The following CDH23 variants were observed in gnomAD, a reference collection of about 807,000 sequenced individuals.
The protein encoded by CDH23 is cadherin-23.
Under a neutral mutation model 317.1 loss-of-function variants are expected in CDH23, and 189 were observed. That is an observed-to-expected ratio of 0.60 (90% CI 0.53 to 0.67). The LOEUF (loss-of-function observed/expected upper bound fraction) is 0.67, where lower values mean the gene tolerates loss of function less well. Ranked by LOEUF, CDH23 falls within the 30% of genes least tolerant of loss-of-function variation. The probability of loss-of-function intolerance (pLI) is 0.00; values close to 1 mark genes in which losing one functional copy is unlikely to be tolerated. For missense variants in CDH23, 4,401 were observed against 4,592.4 expected (o/e 0.96, Z 1.20); for synonymous variants, 1,839 against 1,876.8 (o/e 0.98, Z 0.52).
chr10:71,696,530 T>C (rs1865398284), intron 22 of CDH23, among the ~76,000 whole-genome samples: 1 of 152,348 alleles, frequency 6.6e-6, no homozygotes, highest in South Asian at 2.1e-4. Flanking sequence ...TCTGTCTGAC[T>C]TGGAGACAAG....
chr10:71,798,206 C>A lies in CDH23; in HGVS notation c.6830-148C>A, dbSNP rs114863613. 1,252 of 644,580 alleles carry A rather than the reference C, an allele frequency of 1.9e-3. 6 individuals carry two copies. Among genetic ancestry groups the A allele is most frequent in the African/African-American group, 0.019 (1,081 of 55,740 alleles). 39.9% of individuals were successfully genotyped at this position (644,580 alleles called of 1,614,324 possible). On this transcript the variant is annotated intron_variant, in intron 49 of 69. Transcript: ENST00000224721. The stretch of plus-strand genomic sequence containing the variant: ...CACCACTGGAAAGCCTCCTGTGCTG[C>A]AGCCTGAGGGTCAGGTCAATCCTCA...
chr10:71,477,557 C>T (rs1397306423), intron 3 of CDH23, among the ~76,000 whole-genome samples: 1 of 152,168 alleles, frequency 6.6e-6, no homozygotes, highest in South Asian at 2.1e-4. Context: ...CCTCACCACT[C>T]TCATGGCTTC....
At chr10:71,664,382 G>A (rs149482452) in intron 14 of CDH23, among the ~76,000 whole-genome samples, 139 of 152,358 alleles carry the variant, frequency 9.1e-4, no homozygotes, top group African/African-American at 3.3e-3. Context: ...TAACAAACAA[G>A]CCGAGGGCCT....
chr10:71,784,564 A>C lies in CDH23; in HGVS notation c.5502+144A>C, dbSNP rs995984757. On this transcript the variant is annotated intron_variant, in intron 42 of 69. Coordinates refer to ENST00000224721, the MANE Select transcript of CDH23 (RefSeq NM_022124.6). ...GCCAGGCCTGCCCCTGGGGCCCTTA[A>C]TAGACCTCTCGCCACATCCAGCAAC... is the stretch of plus-strand genomic sequence containing the variant. The C allele has an allele frequency of 1.3e-5, 15 of 1,122,482 alleles. No homozygotes were observed. In the African/African-American group the frequency reaches 2.4e-4, roughly 18 times the overall value. The allele number at this position is 1,122,482 out of a possible 1,614,324, so 69.5% of individuals were successfully genotyped here. A position where few individuals can be genotyped will look rare whatever the true frequency, so the allele number is the denominator to read the frequency against.
intron 9 of CDH23, among the ~76,000 whole-genome samples, chr10:71,588,695 A>G (rs1395377673): frequency 1.3e-5 from 2 of 152,134 alleles, no homozygotes; most frequent in Non-Finnish European, 2.9e-5. Context: ...AAATCCCCAC[A>G]AAATATTGCA....
chr10:71,636,386 TG>T (rs1428003241), intron 11 of CDH23, among the ~76,000 whole-genome samples: 7 of 152,100 alleles, frequency 4.6e-5, no homozygotes, highest in African/African-American at 1.7e-4. Context: ...CTGGGCATAG[TG>T]GTGCACACAT....
At chr10:71,761,853 G>A (rs772275519) in intron 38 of CDH23, 11 of 1,614,108 alleles carry the variant, frequency 6.8e-6, no homozygotes, top group East Asian at 2.2e-5. Flanking sequence ...ATGGGCCGGC[G>A]CTCTGAGCAG....
At chr10:71,519,527 G>T (rs575834223) in intron 6 of CDH23, among the ~76,000 whole-genome samples, 1 of 152,172 alleles carries the variant, frequency 6.6e-6, no homozygotes, top group African/African-American at 2.4e-5. Flanking sequence ...GCTTTGTATC[G>T]TGAGAACCTG....
Position 71,687,691 on chromosome 10 carries a change from C to T in CDH23, c.2031C>T (p.Phe677=), listed in dbSNP as rs759239589. Residue 677 remains phenylalanine (F), a synonymous_variant, in exon 19 of 70, where the codon TTC becomes TTT. Coordinates refer to ENST00000224721, the MANE Select transcript of CDH23 (RefSeq NM_022124.6). ...CCACCTTCAGCAAGCCCGCCTACTTCGTCTCCGTGGTGGAGAACATCATGG... is the reference window on the plus strand; with the variant it reads ...CCACCTTCAGCAAGCCCGCCTACTTTGTCTCCGTGGTGGAGAACATCATGG... ...NPPTFSKPAY[F]VSVVENIMAG... 51 of 1,613,758 alleles carry T rather than the reference C, an allele frequency of 3.2e-5. No individual in the cohort carries two copies. Among genetic ancestry groups the T allele is most frequent in the Admixed American group, 1.2e-4 (7 of 59,992 alleles).
chr10:71,716,339 G>T (rs781471210), intron 28 of CDH23: 8 of 1,469,012 alleles, frequency 5.4e-6, no homozygotes, highest in Non-Finnish European at 7.2e-6. Context: ...TGTGCTCATG[G>T]CTCCTGCAAC....
intron 2 of CDH23, among the ~76,000 whole-genome samples, chr10:71,444,426 T>C (rs1231443987): frequency 6.6e-6 from 1 of 152,222 alleles, no homozygotes; most frequent in Non-Finnish European, 1.5e-5. Flanking sequence ...GTTGTGCTCC[T>C]GACAGGAGAC....
intron 53 of CDH23, among the ~76,000 whole-genome samples, chr10:71,801,373 C>T (rs1042902400): frequency 6.6e-6 from 1 of 151,942 alleles, no homozygotes; most frequent in African/African-American, 2.4e-5. Flanking sequence ...GGGCTGGTCT[C>T]GAACTCCCGA....
At chr10:71,401,181 C>A (rs1035237571) in intron 1 of CDH23, among the ~76,000 whole-genome samples, 3 of 152,198 alleles carry the variant, frequency 2.0e-5, no homozygotes, top group African/African-American at 7.2e-5. Flanking sequence ...GTGGGTGACA[C>A]TGACGCTGCT....
At chr10:71,541,583 A>C (rs984717241) in intron 6 of CDH23, among the ~76,000 whole-genome samples, 2 of 152,184 alleles carry the variant, frequency 1.3e-5, no homozygotes, top group African/African-American at 4.8e-5. Flanking sequence ...GTGGCTAGAG[A>C]ACTTCCGGCA....
chr10:71,637,003 A>T (rs535189758), intron 11 of CDH23, among the ~76,000 whole-genome samples: 1 of 152,096 alleles, frequency 6.6e-6, no homozygotes, highest in South Asian at 2.1e-4. Flanking sequence ...GTGGGCAGAG[A>T]GACTTAGCAC....
intron 6 of CDH23, among the ~76,000 whole-genome samples, chr10:71,548,999 A>G (rs375065441): frequency 4.7e-4 from 72 of 152,372 alleles, no homozygotes; most frequent in African/African-American, 1.3e-3. Flanking sequence ...TACAGTTAAC[A>G]GTGTTAGGTG....
intron 6 of CDH23, among the ~76,000 whole-genome samples, chr10:71,562,122 T>C (rs1364667434): frequency 6.6e-6 from 1 of 151,280 alleles, no homozygotes; most frequent in Non-Finnish European, 1.5e-5. Context: ...CCCCAGACAC[T>C]CCAAGCCCCA....
At chr10:71,740,733 C>T (rs1327208353) in intron 36 of CDH23, 89 bp from the exon 37 acceptor site, 12 of 1,560,082 alleles carry the variant, frequency 7.7e-6, no homozygotes, top group Non-Finnish European at 1.0e-5. Flanking sequence ...CAAATGCTCC[C>T]CACTGATTGC....
rs1163473887 is a variant in CDH23 at position 71,815,683 on chromosome 10, C to G, written c.*405C>G. The G allele has an allele frequency of 5.9e-6, 1 of 169,108 alleles. No homozygotes were observed. The highest frequency in any genetic ancestry group is 6.0e-5 in the Admixed American group (1 of 16,770). The allele number at this position is 169,108 out of a possible 1,614,324, so 10.5% of individuals were successfully genotyped here. The stretch of plus-strand genomic sequence containing the variant: ...CTAAGCAGGCGCAAGGGAGGCCCAG[C>G]GCGGACATCCCCTGCTGGCCGGACA... On this transcript the variant is annotated 3_prime_UTR_variant, in exon 70 of 70. Transcript: ENST00000224721.
Sources: gnomAD v4.1 joint callset for allele counts (sites outside exome capture counted in the v4.1 genomes callset) on GRCh38, gnomAD v4.1.1 for gene constraint, MANE v1.5 for transcripts, NCBI Gene and HGNC (gene_info 2026-07-23, HGNC 2026-07-21) for gene names.